The following SLC26A7 variants were observed in gnomAD, a reference collection of about 807,000 sequenced individuals.
SLC26A7 encodes solute carrier family 26 member 7, also known as anion exchange transporter.
Under a neutral mutation model 82.5 loss-of-function variants are expected in SLC26A7, and 59 were observed. The observed-to-expected ratio is 0.72, with a 90% CI of 0.58 to 0.89. The LOEUF (loss-of-function observed/expected upper bound fraction) is 0.89, where lower values mean the gene tolerates loss of function less well. Among genes scored for constraint, SLC26A7 ranks in the 40% least tolerant of loss-of-function variants. SLC26A7 has a pLI of 0.00. For synonymous variants in SLC26A7, 271 were observed against 274.3 expected, an observed-to-expected ratio of 0.99 and a Z score of 0.12; for missense variants, 820 against 793.0, an observed-to-expected ratio of 1.03 and a Z score of -0.41.
At position 91,338,215 on chromosome 8, in the gene SLC26A7, T is replaced by A; in HGVS notation, c.861T>A (p.Val287=). The change falls in exon 7 of 19, where the codon GTT becomes GTA. Residue 287 remains valine (V), a synonymous_variant. Transcript: ENST00000276609. ...AAAACACATATGGATTAGAAGTAGTTGGTCATATTCCACAAGGGTAATGTA... is the reference window on the plus strand; with the variant it reads ...AAAACACATATGGATTAGAAGTAGTAGGTCATATTCCACAAGGGTAATGTA... ...NMENTYGLEV[V]GHIPQGIPSP... 6.2e-7 allele frequency: 1 copy of A among 1,606,824 alleles called. No homozygotes were observed. The highest frequency in any genetic ancestry group is 1.3e-5 in the African/African-American group (1 of 74,630).
chr8:91,380,246 CG>C (rs1814632211), intron 15 of SLC26A7, among the ~76,000 whole-genome samples: 1 of 151,802 alleles, frequency 6.6e-6, no homozygotes, highest in Admixed American at 6.6e-5. Context: ...TGTTTATGAC[CG>C]GCAGTGTTTT....
intron 1 of SLC26A7, among the ~76,000 whole-genome samples, chr8:91,212,974 C>T (rs950582084): frequency 2.6e-5 from 4 of 152,192 alleles, no homozygotes; most frequent in Non-Finnish European, 5.9e-5. Flanking sequence ...TCGGAGAACT[C>T]TCCCTTTTGT....
At chr8:91,334,767 T>C (rs886735458) in intron 6 of SLC26A7, among the ~76,000 whole-genome samples, 42 of 152,200 alleles carry the variant, frequency 2.8e-4, no homozygotes, top group African/African-American at 1.0e-3. Context: ...AAAATGTCTC[T>C]GGCATGATCT....
intron 5 of SLC26A7, 147 bp downstream of exon 5, chr8:91,318,527 A>G (rs1223170739): frequency 3.5e-6 from 2 of 577,524 alleles, no homozygotes; most frequent in African/African-American, 3.9e-5. Context: ...AGTGTGACTT[A>G]AGGTATGCAA....
At chr8:91,253,321 C>A (rs907359516) in intron 2 of SLC26A7, among the ~76,000 whole-genome samples, 1 of 152,044 alleles carries the variant, frequency 6.6e-6, no homozygotes, top group Non-Finnish European at 1.5e-5. Context: ...CTTTTGCCAC[C>A]CTGCCCACTA....
rs540476074 is a variant in SLC26A7 at position 91,368,071 on chromosome 8, GA to G, written c.1626+1356del. Among the ~76,000 whole-genome samples, 4 of 152,330 alleles carry G rather than the reference GA, an allele frequency of 2.6e-5. No homozygotes were observed. In the South Asian group the frequency reaches 8.3e-4, roughly 32 times the overall value. ...TATTAAGGATTTCAAGATGGTGACA[GA>G]AGATCATTAAGCCAGATGGGAGATC... is the stretch of plus-strand genomic sequence containing the variant. On this transcript the variant is annotated intron_variant, in intron 14 of 18. Transcript: ENST00000276609.
intron 15 of SLC26A7, among the ~76,000 whole-genome samples, chr8:91,371,744 C>T (rs1814368593): frequency 6.6e-6 from 1 of 151,912 alleles, no homozygotes; most frequent in African/African-American, 2.4e-5. Flanking sequence ...GGTAGATACC[C>T]AGTAGTGGGA....
chr8:91,332,340 TAA>T (rs1408606784), intron 5 of SLC26A7, among the ~76,000 whole-genome samples: 9 of 136,170 alleles, frequency 6.6e-5, no homozygotes, highest in African/African-American at 2.4e-4. Context: ...ATATTATATA[TAA>T]TATATATAAA....
chr8:91,338,266 T>A (rs371782601), intron 7 of SLC26A7, 34 bp downstream of exon 7: 1 of 1,504,370 alleles, frequency 6.6e-7, no homozygotes, highest in Non-Finnish European at 9.1e-7. Context: ...ATATTATTTG[T>A]TTGTTTGTTT....
chr8:91,384,702 T>C (rs1027523348), intron 15 of SLC26A7, among the ~76,000 whole-genome samples: 3 of 152,028 alleles, frequency 2.0e-5, no homozygotes, highest in Non-Finnish European at 2.9e-5. Flanking sequence ...TCATTGTACT[T>C]AGATTTTCTA....
At chr8:91,281,814 G>A (rs12680708) in intron 2 of SLC26A7, among the ~76,000 whole-genome samples, 87,735 of 151,708 alleles carry the variant, frequency 0.58, 27,297 homozygotes, top group Non-Finnish European at 0.7. Flanking sequence ...GGCCTAACTA[G>A]AGACTGCATC....
chr8:91,292,305 C>CA (rs758275709), intron 3 of SLC26A7, among the ~76,000 whole-genome samples: 1,738 of 72,766 alleles, frequency 0.024, 14 homozygotes, highest in African/African-American at 0.065. Flanking sequence ...GACTCTGTCT[C>CA]AAAAAAAAAA....
At chr8:91,284,986 T>C (rs570488176) in intron 2 of SLC26A7, among the ~76,000 whole-genome samples, 1 of 152,332 alleles carries the variant, frequency 6.6e-6, no homozygotes, top group South Asian at 2.1e-4. Flanking sequence ...GTGACCATAA[T>C]AAAGTGCCAA....
At chr8:91,279,628 C>T (rs564596273) in intron 2 of SLC26A7, among the ~76,000 whole-genome samples, 24 of 132,226 alleles carry the variant, frequency 1.8e-4, no homozygotes, top group Middle Eastern at 9.4e-3. Context: ...GGTGTAGTCT[C>T]GGCTCACTGC....
chr8:91,263,600 A>G (rs935742487), intron 2 of SLC26A7, among the ~76,000 whole-genome samples: 29 of 152,018 alleles, frequency 1.9e-4, no homozygotes, highest in African/African-American at 6.5e-4. Flanking sequence ...TTGGGCCATA[A>G]GCTCCCTTTC....
intron 2 of SLC26A7, among the ~76,000 whole-genome samples, chr8:91,226,633 C>T (rs778035822): frequency 6.6e-6 from 1 of 152,228 alleles, no homozygotes; most frequent in Non-Finnish European, 1.5e-5. Flanking sequence ...ACAAAACTGG[C>T]AGGGCCCTTG....
intron 4 of SLC26A7, among the ~76,000 whole-genome samples, chr8:91,305,074 C>A (rs189998211): frequency 6.6e-6 from 1 of 152,154 alleles, no homozygotes; most frequent in East Asian, 1.9e-4. Context: ...ACACATTTCC[C>A]TCCTTTTCTA....
chr8:91,217,813 G>GA (rs970660004), intron 1 of SLC26A7, among the ~76,000 whole-genome samples: 1 of 152,060 alleles, frequency 6.6e-6, no homozygotes, highest in African/African-American at 2.4e-5. Context: ...ATCTTTGTAG[G>GA]AAAAAAGTCA....
intron 2 of SLC26A7, among the ~76,000 whole-genome samples, chr8:91,288,506 T>C (rs1402815104): frequency 1.3e-5 from 2 of 152,230 alleles, no homozygotes; most frequent in Non-Finnish European, 2.9e-5. Context: ...AATTATTTCT[T>C]ACTCCTTGAG....
Sources: gnomAD v4.1 joint callset for allele counts (sites outside exome capture counted in the v4.1 genomes callset) on GRCh38, gnomAD v4.1.1 for gene constraint, MANE v1.5 for transcripts, NCBI Gene and HGNC (gene_info 2026-07-23, HGNC 2026-07-21) for gene names.